SOS2: variants seen among roughly 807,000 people sequenced by gnomAD.
SOS2 encodes son of sevenless homolog 2.
Under a neutral mutation model 148.2 loss-of-function variants are expected in SOS2, and 65 were observed. The ratio of observed to expected loss-of-function variants is 0.44; its 90% CI spans 0.36 to 0.54. The LOEUF is 0.54. SOS2 is among the 20% of genes least tolerant of loss of function. The pLI, the probability that SOS2 is intolerant of heterozygous loss-of-function variation, is 0.00. For synonymous variants in SOS2, 539 were observed against 537.1 expected (o/e 1.00, Z -0.05); for missense variants, 1,341 against 1,590.2 (o/e 0.84, Z 2.67).
intron 19 of SOS2, among the ~76,000 whole-genome samples, chr14:50,132,215 A>T (rs1442988131): frequency 6.6e-6 from 1 of 152,016 alleles, no homozygotes; most frequent in African/African-American, 2.4e-5. Flanking sequence ...GCAAAACCAA[A>T]TCAGTCAAGA....
chr14:50,178,711 T>TATATATATAC (rs1237281191), intron 7 of SOS2, among the ~76,000 whole-genome samples: 51 of 120,360 alleles, frequency 4.2e-4, no homozygotes, highest in Non-Finnish European at 7.9e-4. Flanking sequence ...TATATATATA[T>TATATATATAC]ACACACATAT....
intron 21 of SOS2, among the ~76,000 whole-genome samples, chr14:50,128,107 G>A (rs1418593797): frequency 6.6e-6 from 1 of 152,128 alleles, no homozygotes; most frequent in Non-Finnish European, 1.5e-5. Flanking sequence ...ATTAAAATCA[G>A]GGAGCATATC....
intron 1 of SOS2, among the ~76,000 whole-genome samples, chr14:50,209,058 C>G (rs990236387): frequency 6.6e-6 from 1 of 152,162 alleles, no homozygotes; most frequent in African/African-American, 2.4e-5. Flanking sequence ...AGAAAGAATT[C>G]TTTCTCTCTG....
In SOS2 at chr14:50,199,680, G is replaced by T. The variant is rs113890555; in HGVS notation, c.510+11C>A. ...TATTCAAGTTAAATTTAAATACCTT[G>T]TAACACTTACCTTATCCGCACACAT... On this transcript the variant is annotated intron_variant, in intron 4 of 22. Coordinates refer to ENST00000216373, the MANE Select transcript of SOS2 (RefSeq NM_006939.4). 5.2e-6 allele frequency: 8 copies of T among 1,543,772 alleles called. No homozygotes were observed. Among genetic ancestry groups the T allele is most frequent in the African/African-American group, 4.2e-5 (3 of 72,166 alleles).
rs139430041 is a variant in SOS2 at position 50,228,566 on chromosome 14, C to T, written c.87+2631G>A. Among the ~76,000 whole-genome samples the T allele has an allele frequency of 4.7e-4, 72 of 152,266 alleles. 2 individuals are homozygous for T. Among genetic ancestry groups the T allele is most frequent in the African/African-American group, 1.7e-3 (71 of 41,554 alleles). On this transcript the variant is annotated intron_variant, in intron 1 of 22. Coordinates refer to ENST00000216373, the MANE Select transcript of SOS2 (RefSeq NM_006939.4). ...AAAATAATTGATACATGTTCATTTA[C>T]ATTTGCATGGAAGTGATGACTTTAC...
chr14:50,169,751 G>T (rs1011514512), intron 8 of SOS2, among the ~76,000 whole-genome samples: 4 of 151,828 alleles, frequency 2.6e-5, no homozygotes, highest in Non-Finnish European at 4.4e-5. Context: ...AATTTATATT[G>T]CATGGCAATA....
intron 1 of SOS2, among the ~76,000 whole-genome samples, chr14:50,212,643 C>T (rs1886915769): frequency 6.6e-6 from 1 of 152,144 alleles, no homozygotes; most frequent in South Asian, 2.1e-4. Context: ...TTACACTTCA[C>T]CATAAATGAG....
At chr14:50,151,731 TTTTG>T (rs1474723303) in intron 13 of SOS2, among the ~76,000 whole-genome samples, 1 of 152,196 alleles carries the variant, frequency 6.6e-6, no homozygotes, top group Non-Finnish European at 1.5e-5. Context: ...AATTTTTGTT[TTTTG>T]TTTATTTTGA....
intron 5 of SOS2, among the ~76,000 whole-genome samples, chr14:50,183,698 G>A (rs1470311219): frequency 6.6e-6 from 1 of 152,144 alleles, no homozygotes; most frequent in Non-Finnish European, 1.5e-5. Context: ...TTATAGCTTA[G>A]GCTATATAGT....
intron 1 of SOS2, among the ~76,000 whole-genome samples, chr14:50,207,250 T>C (rs2139806115): frequency 1.3e-5 from 2 of 152,278 alleles, no homozygotes; most frequent in South Asian, 2.1e-4. Context: ...CAGTGGTTCA[T>C]GCCTGTAATC....
At chr14:50,123,325 CG>C (rs1437433364) in intron 21 of SOS2, among the ~76,000 whole-genome samples, 1 of 149,698 alleles carries the variant, frequency 6.7e-6, no homozygotes, top group Non-Finnish European at 1.5e-5. Context: ...AGGGCCTGTG[CG>C]TTCTTTAAAG....
At chr14:50,203,880 T>G (rs1342841946) in intron 2 of SOS2, among the ~76,000 whole-genome samples, 3 of 151,886 alleles carry the variant, frequency 2.0e-5, no homozygotes, top group Admixed American at 1.3e-4. Context: ...CTGGCCTTAT[T>G]ATTCAATATA....
chr14:50,211,799 A>T (rs377459256), intron 1 of SOS2, among the ~76,000 whole-genome samples: 1 of 152,130 alleles, frequency 6.6e-6, no homozygotes, highest in Non-Finnish European at 1.5e-5. Context: ...CTCACATTGT[A>T]TCTCTTCTAG....
intron 5 of SOS2, among the ~76,000 whole-genome samples, chr14:50,185,890 C>T (rs1226669980): frequency 1.3e-5 from 2 of 152,144 alleles, no homozygotes; most frequent in Non-Finnish European, 2.9e-5. Context: ...TATCATCATC[C>T]TCATTTTACA....
chr14:50,195,185 C>G (rs553211830), intron 4 of SOS2, among the ~76,000 whole-genome samples: 1 of 152,156 alleles, frequency 6.6e-6, no homozygotes, highest in Non-Finnish European at 1.5e-5. Flanking sequence ...GTTTAGAAAT[C>G]TGCAGACTCA....
intron 2 of SOS2, 110 bp from the exon 3 acceptor site, chr14:50,201,194 A>G (rs182320089): frequency 6.0e-6 from 6 of 995,908 alleles, no homozygotes; most frequent in Non-Finnish European, 9.0e-6. Flanking sequence ...GATAATAGTG[A>G]CACAATACAT....
chr14:50,189,103 G>GCA (rs1291810011), intron 4 of SOS2, among the ~76,000 whole-genome samples: 28 of 61,576 alleles, frequency 4.5e-4, no homozygotes, highest in East Asian at 4.1e-3. Flanking sequence ...ACACACACAC[G>GCA]CACACACAAA....
Position 50,128,347 on chromosome 14 carries a change from G to T in SOS2, c.3379+1614C>A, listed in dbSNP as rs78988649. On this transcript the variant is annotated intron_variant, in intron 21 of 22. Coordinates refer to ENST00000216373, the MANE Select transcript of SOS2 (RefSeq NM_006939.4). The stretch of plus-strand genomic sequence containing the variant: ...AAAAGAAAAGAAAAAGGAAAACCCT[G>T]CTAGGTTCCCTGATTTGCCTGACTT... 3.1e-3 allele frequency among the ~76,000 whole-genome samples: 479 copies of T among 152,300 alleles called. 1 individual carries two copies. Among genetic ancestry groups the T allele is most frequent in the African/African-American group, 0.011 (460 of 41,570 alleles).
intron 21 of SOS2, among the ~76,000 whole-genome samples, chr14:50,121,399 A>G (rs1883502586): frequency 6.6e-6 from 1 of 152,230 alleles, no homozygotes; most frequent in African/African-American, 2.4e-5. Context: ...ACTGGGAAAG[A>G]AGTTGATAAG....
Sources: gnomAD v4.1 joint callset for allele counts (sites outside exome capture counted in the v4.1 genomes callset) on GRCh38, gnomAD v4.1.1 for gene constraint, MANE v1.5 for transcripts, NCBI Gene and HGNC (gene_info 2026-07-23, HGNC 2026-07-21) for gene names.